Variants in GALNT18 observed in about 807,000 individuals in gnomAD.
The protein encoded by GALNT18 is GalNAc-transferase 18.
A neutral mutation model predicts 69.5 loss-of-function variants in GALNT18; 44 were observed. The observed-to-expected ratio is 0.63, with a 90% CI of 0.50 to 0.81. The LOEUF (loss-of-function observed/expected upper bound fraction) is 0.81, where lower values mean the gene tolerates loss of function less well. GALNT18 is among the 40% of genes least tolerant of loss of function. The probability of loss-of-function intolerance (pLI) is 0.00; values close to 1 mark genes in which losing one functional copy is unlikely to be tolerated. For synonymous variants in GALNT18, 364 were observed against 318.2 expected, an observed-to-expected ratio of 1.14 and a Z score of -1.53; for missense variants, 715 against 810.0, an observed-to-expected ratio of 0.88 and a Z score of 1.42.
chr11:11,283,524 G>C (rs1849129848), intron 10 of GALNT18, among the ~76,000 whole-genome samples: 1 of 152,200 alleles, frequency 6.6e-6, no homozygotes, highest in African/African-American at 2.4e-5. Context: ...GTTGGGCACA[G>C]AGCATTGGAG....
intron 1 of GALNT18, among the ~76,000 whole-genome samples, chr11:11,515,439 G>A (rs533501622): frequency 9.8e-5 from 15 of 152,362 alleles, no homozygotes; most frequent in African/African-American, 3.4e-4. Context: ...AAGTCTCTGT[G>A]TGCCCCGATT....
chr11:11,352,339 A>G (rs749678556), intron 6 of GALNT18: 22 of 1,613,908 alleles, frequency 1.4e-5, no homozygotes, highest in African/African-American at 1.3e-5. Context: ...TCAATGTTGT[A>G]TTTGTCAATA....
chr11:11,306,140 A>G lies in GALNT18; in HGVS notation c.1513-12947T>C, dbSNP rs1160614702. On this transcript the variant is annotated intron_variant, in intron 9 of 10. Transcript: ENST00000227756. ...AGGAGGCTCAATACCTTTTTAGCAT[A>G]CAACAGTTATTCTGCACAGCATTAA... Among the ~76,000 whole-genome samples the G allele has an allele frequency of 3.3e-5, 5 of 152,314 alleles. No individual in the cohort carries two copies. The East Asian group carries it at 9.7e-4, about 29-fold the overall frequency.
At chr11:11,283,174 A>G (rs533401425) in intron 10 of GALNT18, among the ~76,000 whole-genome samples, 20 of 151,944 alleles carry the variant, frequency 1.3e-4, no homozygotes, top group Admixed American at 5.9e-4. Context: ...TTTTTTCTTG[A>G]GATGGAGTCT....
At chr11:11,274,304 T>A (rs1485274892) in intron 10 of GALNT18, among the ~76,000 whole-genome samples, 1 of 152,134 alleles carries the variant, frequency 6.6e-6, no homozygotes, top group Non-Finnish European at 1.5e-5. Context: ...TGTTTTTTTC[T>A]CAATACCCCA....
intron 3 of GALNT18, among the ~76,000 whole-genome samples, chr11:11,401,960 G>A (rs558297615): frequency 2.6e-5 from 4 of 152,238 alleles, no homozygotes; most frequent in African/African-American, 4.8e-5. Flanking sequence ...AGAAGCACTG[G>A]CATTTTGGCT....
chr11:11,290,246 G>A (rs927376265), intron 10 of GALNT18, among the ~76,000 whole-genome samples: 6 of 152,184 alleles, frequency 3.9e-5, no homozygotes, highest in East Asian at 1.9e-4. Context: ...TGAAGACCCC[G>A]GGGTCATGGA....
intron 1 of GALNT18, among the ~76,000 whole-genome samples, chr11:11,594,444 C>A (rs1351708876): frequency 2.6e-5 from 4 of 152,122 alleles, no homozygotes; most frequent in Admixed American, 1.3e-4. Flanking sequence ...CAAAAGAAAC[C>A]CTGTACCCAC....
At chr11:11,399,082 G>T (rs1033575829) in intron 3 of GALNT18, among the ~76,000 whole-genome samples, 1 of 152,194 alleles carries the variant, frequency 6.6e-6, no homozygotes, top group Non-Finnish European at 1.5e-5. Flanking sequence ...GTAATAGAAG[G>T]TGGGACCTTT....
Position 11,598,695 on chromosome 11 carries a change from TTAAGA to T in GALNT18, c.235+22659_235+22663del, listed in dbSNP as rs1292938027. Among the ~76,000 whole-genome samples the T allele has an allele frequency of 6.6e-6, 1 of 152,202 alleles. No homozygotes were observed. Among genetic ancestry groups the T allele is most frequent in the African/African-American group, 2.4e-5 (1 of 41,454 alleles). ...TTGTCAACCTATCACAGCTAGGTAA[TTAAGA>T]TATTTTTTCTTTTTCAATATAGACA... On this transcript the variant is annotated intron_variant, in intron 1 of 10. Transcript: ENST00000227756. This position sits in a 1 kb window ranked among gnomAD's most constrained non-coding sequence, Gnocchi z 4.8.
intron 9 of GALNT18, among the ~76,000 whole-genome samples, chr11:11,296,491 G>T (rs1256222897): frequency 2.0e-5 from 3 of 152,212 alleles, no homozygotes; most frequent in Non-Finnish European, 4.4e-5. Context: ...GAGGTTTGGG[G>T]ATGTGGGCTG....
rs1201660397 is a variant in GALNT18, at chr11:11,396,254, C to T, written c.596-16990G>A. Among the ~76,000 whole-genome samples the T allele has an allele frequency of 2.0e-5, 3 of 152,172 alleles. No individual in the cohort carries two copies. The highest frequency in any genetic ancestry group is 4.4e-5 in the Non-Finnish European group (3 of 68,042). ...AGCGGCTGGGTCTGTCAGTGGTGTT[C>T]GCAAACAGTGTTTGGCTTTCTCGAT... On this transcript the variant is annotated intron_variant, in intron 3 of 10. Coordinates refer to ENST00000227756, the MANE Select transcript of GALNT18 (RefSeq NM_198516.3). This position sits in a 1 kb window ranked among gnomAD's most constrained non-coding sequence, Gnocchi z 5.2.
chr11:11,298,240 A>G (rs868469746), intron 9 of GALNT18, among the ~76,000 whole-genome samples: 2 of 152,380 alleles, frequency 1.3e-5, no homozygotes, highest in African/African-American at 4.8e-5. Context: ...ACTCTGCCAC[A>G]GCTTCAGGAA....
In GALNT18 at chr11:11,430,232, T is replaced by G. The variant is rs2133790865; in HGVS notation, c.595+2389A>C. Among the ~76,000 whole-genome samples, 1 of 152,336 alleles carries G rather than the reference T, an allele frequency of 6.6e-6. No homozygotes were observed. Among genetic ancestry groups the G allele is most frequent in the South Asian group, 2.1e-4 (1 of 4,826 alleles). On this transcript the variant is annotated intron_variant, in intron 3 of 10. Transcript: ENST00000227756. This position sits in a 1 kb window ranked among gnomAD's most constrained non-coding sequence, Gnocchi z 4.9. Reference sequence around the variant, plus strand: ...GAATCTCCTAGGAGAGCTTTTTGTTTGTTTTAACTTAATATTTTGAAGTAA... The same window carrying G: ...GAATCTCCTAGGAGAGCTTTTTGTTGGTTTTAACTTAATATTTTGAAGTAA...
In GALNT18 at chr11:11,340,807, G is replaced by A. The variant is rs775765910; in HGVS notation, c.1278+12C>T. The A allele has an allele frequency of 9.5e-6, 15 of 1,585,924 alleles. No individual in the cohort carries two copies. Among genetic ancestry groups the A allele is most frequent in the South Asian group, 8.1e-5 (7 of 86,762 alleles). ...AATCCCCGAGAAACTCATCCCTACCGGAGATCCCTACCTCCTGCGGTATGT... is the reference window on the plus strand; with the variant it reads ...AATCCCCGAGAAACTCATCCCTACCAGAGATCCCTACCTCCTGCGGTATGT... On this transcript the variant is annotated intron_variant, in intron 7 of 10. Coordinates refer to ENST00000227756, the MANE Select transcript of GALNT18 (RefSeq NM_198516.3). The surrounding 1 kb of genome is among the most constrained non-coding windows in gnomAD (Gnocchi z 4.2).
chr11:11,501,437 A>G (rs1856970073), intron 1 of GALNT18, among the ~76,000 whole-genome samples: 1 of 152,180 alleles, frequency 6.6e-6, no homozygotes, highest in South Asian at 2.1e-4. Flanking sequence ...ATATTATTCC[A>G]TTATTCACTC....
At chr11:11,481,731 TG>T (rs566230641) in intron 1 of GALNT18, among the ~76,000 whole-genome samples, 3 of 151,934 alleles carry the variant, frequency 2.0e-5, no homozygotes, top group Admixed American at 2.0e-4. Context: ...AGGAGTAGAA[TG>T]GGGGGAAACG....
intron 1 of GALNT18, among the ~76,000 whole-genome samples, chr11:11,507,496 CT>C (rs1194766336): frequency 2.0e-5 from 3 of 152,080 alleles, no homozygotes; most frequent in African/African-American, 7.2e-5. Context: ...TAATCTCTTC[CT>C]TTTCCTTCTC....
intron 2 of GALNT18, among the ~76,000 whole-genome samples, chr11:11,440,429 A>T (rs1426868347): frequency 6.6e-6 from 1 of 152,152 alleles, no homozygotes; most frequent in African/African-American, 2.4e-5. Flanking sequence ...ACAGCTGAGG[A>T]AGGTGGGGCA....
Sources: gnomAD v4.1 joint callset for allele counts (sites outside exome capture counted in the v4.1 genomes callset) on GRCh38, gnomAD v4.1.1 for gene constraint, Gnocchi (gnomAD v3.1) non-coding constraint, MANE v1.5 for transcripts, NCBI Gene and HGNC (gene_info 2026-07-23, HGNC 2026-07-21) for gene names.